The following FAP variants were observed in gnomAD, a reference collection of about 807,000 sequenced individuals.
FAP encodes fibroblast activation protein alpha.
A neutral mutation model predicts 126.5 loss-of-function variants in FAP; 110 were observed. The ratio of observed to expected loss-of-function variants is 0.87; its 90% confidence interval spans 0.74 to 1.02. The LOEUF (loss-of-function observed/expected upper bound fraction) is 1.02. Among genes scored for constraint, FAP ranks in the 50% least tolerant of loss-of-function variants. FAP has a pLI of 0.00. For synonymous variants in FAP, 334 were observed against 297.3 expected, an observed-to-expected ratio of 1.12 and a Z score of -1.27; for missense variants, 919 against 909.2, an observed-to-expected ratio of 1.01 and a Z score of -0.14.
At chr2:162,209,814 T>A in intron 12 of FAP, 138 bp downstream of exon 12, 1 of 675,570 alleles carries the variant, frequency 1.5e-6, no homozygotes, top group East Asian at 2.7e-5. Context: ...AAGAGATCAC[T>A]ACCTATGTGT....
At chr2:162,192,577 C>G (rs1007661407) in intron 17 of FAP, among the ~76,000 whole-genome samples, 1 of 152,102 alleles carries the variant, frequency 6.6e-6, no homozygotes. Context: ...CATCCACTTC[C>G]AAGGCCTGAG....
At chr2:162,232,560 G>C (rs576277756) in intron 2 of FAP, among the ~76,000 whole-genome samples, 2 of 152,132 alleles carry the variant, frequency 1.3e-5, no homozygotes, top group African/African-American at 4.8e-5. Flanking sequence ...CTTTTTCAAA[G>C]CAAATAGGTT....
At position 162,214,420 on chromosome 2, in the gene FAP, A is replaced by T. The variant is rs555760391; in HGVS notation, c.867-347T>A. Among the ~76,000 whole-genome samples, 3 of 152,132 alleles carry T rather than the reference A, an allele frequency of 2.0e-5. No homozygotes were observed. In the East Asian group the frequency reaches 5.8e-4, roughly 29 times the overall value. On this transcript the variant is annotated intron_variant, in intron 10 of 25. Coordinates refer to ENST00000188790, the MANE Select transcript of FAP (RefSeq NM_004460.5). ...TTAAACTTGCATTTTGCACAAGTAA[A>T]CTCAATTTTTCACCTTATAATTAGT... is the stretch of plus-strand genomic sequence containing the variant.
chr2:162,195,467 C>T (rs900132503), intron 16 of FAP, among the ~76,000 whole-genome samples: 2 of 151,794 alleles, frequency 1.3e-5, no homozygotes, highest in African/African-American at 2.4e-5. Context: ...GCTTTACCCC[C>T]CTAGCATTGG....
intron 2 of FAP, among the ~76,000 whole-genome samples, chr2:162,238,393 C>T (rs751495064): frequency 8.5e-5 from 13 of 152,238 alleles, no homozygotes; most frequent in East Asian, 7.7e-4. Context: ...GACAGGTAAA[C>T]GCCTCTCCAT....
At chr2:162,224,377 C>G (rs1348380123) in intron 5 of FAP, 89 bp downstream of exon 5, 2 of 739,388 alleles carry the variant, frequency 2.7e-6, no homozygotes, top group South Asian at 3.3e-5. Context: ...GAGATAAAGA[C>G]AGACTCTTGC....
intron 2 of FAP, among the ~76,000 whole-genome samples, chr2:162,233,151 T>C (rs1010522573): frequency 6.6e-6 from 1 of 151,720 alleles, no homozygotes; most frequent in African/African-American, 2.4e-5. Flanking sequence ...CCCACTTACA[T>C]ATCTCACAAG....
intron 17 of FAP, chr2:162,193,801 A>G (rs527301848): frequency 5.3e-5 from 8 of 151,864 alleles, no homozygotes; most frequent in Non-Finnish European, 1.2e-4. Flanking sequence ...TTTCACCTAC[A>G]CTTGAGCCAT....
chr2:162,226,132 G>T lies in FAP; in HGVS notation c.190+391C>A, dbSNP rs1015740449. ...AATACCGATTTCATGACCCTTAAAG[G>T]GTTCATTGTCAGATTGAGATTTGTC... On this transcript the variant is annotated intron_variant, in intron 3 of 25. Transcript: ENST00000188790. Among the ~76,000 whole-genome samples the T allele has an allele frequency of 9.2e-5, 14 of 151,936 alleles. 1 individual carries two copies. Among genetic ancestry groups the T allele is most frequent in the Admixed American group, 8.5e-4 (13 of 15,268 alleles).
chr2:162,209,383 C>A (rs559187360), intron 12 of FAP, among the ~76,000 whole-genome samples: 1 of 152,068 alleles, frequency 6.6e-6, no homozygotes, highest in South Asian at 2.1e-4. Flanking sequence ...ATTAAAAATC[C>A]TCATAAATTA....
At chr2:162,195,590 G>T (rs1576154072) in intron 16 of FAP, among the ~76,000 whole-genome samples, 2 of 152,208 alleles carry the variant, frequency 1.3e-5, no homozygotes, top group South Asian at 4.1e-4. Context: ...AGTAGCTGAA[G>T]AAATGACTGA....
intron 20 of FAP, among the ~76,000 whole-genome samples, chr2:162,185,783 G>A (rs1290488049): frequency 6.6e-6 from 1 of 152,118 alleles, no homozygotes; most frequent in Non-Finnish European, 1.5e-5. Flanking sequence ...AAGGGCTACA[G>A]TAGAAGTATT....
At position 162,172,826 on chromosome 2, in the gene FAP, C is replaced by T. The variant is rs1286737559; in HGVS notation, c.2166G>A (p.Val722=). The T allele has an allele frequency of 2.5e-6, 4 of 1,612,272 alleles. No individual in the cohort carries two copies. The highest frequency in any genetic ancestry group is 1.1e-5 in the South Asian group (1 of 91,016). ...AATTATGTACCATTGCCTGGAAATC[C>T]ACTTGTGCATTAACCAGAGCTTTAG... ...QIAKALVNAQ[V]DFQAMWYSDQ... Residue 722 remains valine (V), a synonymous_variant, in exon 25 of 26, where the codon GTG becomes GTA. Transcript: ENST00000188790.
intron 16 of FAP, chr2:162,195,122 C>T (rs1372375060): frequency 8.5e-6 from 2 of 234,400 alleles, no homozygotes; most frequent in Admixed American, 5.1e-5. Context: ...ACAACCTTCA[C>T]CAGTACCCAG....
intron 15 of FAP, among the ~76,000 whole-genome samples, chr2:162,199,188 A>C (rs1200550699): frequency 6.6e-6 from 1 of 152,166 alleles, no homozygotes; most frequent in Non-Finnish European, 1.5e-5. Flanking sequence ...CATCTCTTAC[A>C]CTTCACAAAG....
intron 2 of FAP, among the ~76,000 whole-genome samples, chr2:162,236,370 T>C (rs1303150631): frequency 1.3e-5 from 2 of 152,162 alleles, no homozygotes; most frequent in East Asian, 1.9e-4. Flanking sequence ...TTGTGAAGAA[T>C]TTGTGATAAT....
At chr2:162,238,506 G>C (rs796569729) in intron 2 of FAP, among the ~76,000 whole-genome samples, 1 of 152,128 alleles carries the variant, frequency 6.6e-6, no homozygotes, top group Admixed American at 6.6e-5. Flanking sequence ...TAAAATTCAC[G>C]TGCAAATTAG....
chr2:162,235,535 TAG>T (rs1230716283), intron 2 of FAP, among the ~76,000 whole-genome samples: 1 of 152,190 alleles, frequency 6.6e-6, no homozygotes, highest in African/African-American at 2.4e-5. Context: ...ACTCTGTATC[TAG>T]GCAATAGGTG....
At chr2:162,225,373 T>C (rs1576189537) in intron 4 of FAP, 110 bp downstream of exon 4, 4 of 1,407,216 alleles carry the variant, frequency 2.8e-6, no homozygotes, top group East Asian at 2.5e-5. Flanking sequence ...AGTATGGAGC[T>C]GGGAAGGCAA....
Sources: allele counts gnomAD v4.1 joint callset (sites outside exome capture counted in the v4.1 genomes callset), GRCh38; gene constraint gnomAD v4.1.1; transcripts MANE v1.5; gene names NCBI Gene and HGNC (gene_info 2026-07-23, HGNC 2026-07-21).